The following MTHFD1L variants were observed in gnomAD, a reference collection of about 807,000 sequenced individuals.
MTHFD1L encodes methylenetetrahydrofolate dehydrogenase (NADP+ dependent) 1 like.
A neutral mutation model predicts 119.5 loss-of-function variants in MTHFD1L; 81 were observed. The observed-to-expected ratio is 0.68, with a 90% CI of 0.57 to 0.82. MTHFD1L has a LOEUF of 0.82. Among genes scored for constraint, MTHFD1L ranks in the 40% least tolerant of loss-of-function variants. The pLI is 0.00. For missense variants in MTHFD1L, 1,125 were observed against 1,253.4 expected (o/e 0.90, Z 1.55); for synonymous variants, 430 against 475.2 (o/e 0.90, Z 1.24).
Position 150,941,564 on chromosome 6 carries a change from G to A in MTHFD1L, c.1440+2819G>A, listed in dbSNP as rs191252520. Among the ~76,000 whole-genome samples the A allele has an allele frequency of 4.6e-5, 7 of 152,298 alleles. No individual in the cohort carries two copies. The East Asian group carries it at 1.4e-3, about 29-fold the overall frequency. On this transcript the variant is annotated intron_variant, in intron 13 of 27. Transcript: ENST00000367321. Reference sequence around the variant, plus strand: ...GTCAGTGACTTGGCCCAGGATGGGGGCAGTGAGGATGGAAAAGAGGAAAAA... The same window carrying A: ...GTCAGTGACTTGGCCCAGGATGGGGACAGTGAGGATGGAAAAGAGGAAAAA...
chr6:150,993,084 T>G (rs1779269170), intron 20 of MTHFD1L, among the ~76,000 whole-genome samples: 1 of 152,224 alleles, frequency 6.6e-6, no homozygotes, highest in Non-Finnish European at 1.5e-5. Flanking sequence ...TTGATTTCTC[T>G]CTCCATATTG....
In MTHFD1L at chr6:150,955,985, T is replaced by A. The variant is rs774756841; in HGVS notation, c.1727-10T>A. On this transcript the variant is annotated splice_polypyrimidine_tract_variant and intron_variant, in intron 16 of 27. Coordinates refer to ENST00000367321, the MANE Select transcript of MTHFD1L (RefSeq NM_015440.5). Reference sequence around the variant, plus strand: ...TTTGTCGACTGAATGACTAATCTGTTCTCTTTCAGTATTGGATACAAATGA... The same window carrying A: ...TTTGTCGACTGAATGACTAATCTGTACTCTTTCAGTATTGGATACAAATGA... 1.2e-6 allele frequency: 2 copies of A among 1,610,154 alleles called. No individual in the cohort carries two copies. The highest frequency in any genetic ancestry group is 1.7e-6 in the Non-Finnish European group (2 of 1,176,388).
intron 8 of MTHFD1L, among the ~76,000 whole-genome samples, chr6:150,915,893 C>G (rs908626372): frequency 7.2e-5 from 11 of 152,040 alleles, no homozygotes; most frequent in African/African-American, 2.7e-4. Flanking sequence ...CGTGAGCCAC[C>G]GCACCCGGAT....
chr6:150,949,268 T>G, intron 16 of MTHFD1L, 135 bp downstream of exon 16: 1 of 667,390 alleles, frequency 1.5e-6, no homozygotes, highest in South Asian at 1.9e-5. Flanking sequence ...ATTCCCACCA[T>G]TTATTTCAGT....
chr6:150,905,659 G>A lies in MTHFD1L; in HGVS notation c.790G>A (p.Ala264Thr), dbSNP rs544225773. Residue 264 changes from alanine (A) to threonine (T), a missense_variant, in exon 8 of 28, where the codon GCT (alanine) becomes ACT (threonine). By Grantham distance (58) the Ala-to-Thr change is moderately conservative (BLOSUM62 0). Transcript: ENST00000367321. The part of the protein sequence containing the change: ...TRQLQSKLHE[A>T]DIVVLGSPKP... ...TTCTTTCTCCTTTTAGCTTCACGAGGCTGACATTGTGGTCCTAGGCTCACC... is the reference window on the plus strand; with the variant it reads ...TTCTTTCTCCTTTTAGCTTCACGAGACTGACATTGTGGTCCTAGGCTCACC... 6.3e-5 allele frequency: 102 copies of A among 1,613,772 alleles called. 1 individual carries two copies. The South Asian group carries it at 9.9e-4, about 16-fold the overall frequency.
chr6:151,075,496 G>GA (rs138138626), intron 26 of MTHFD1L, among the ~76,000 whole-genome samples: 2 of 149,254 alleles, frequency 1.3e-5, no homozygotes, highest in Non-Finnish European at 3.0e-5. Context: ...CATAAATGAA[G>GA]AAAAAAAAAG....
At position 150,892,185 on chromosome 6, in the gene MTHFD1L, C is replaced by T. The variant is rs12213103; in HGVS notation, c.780+4204C>T. 2.2e-3 allele frequency among the ~76,000 whole-genome samples: 335 copies of T among 152,294 alleles called. 1 individual carries two copies. Among genetic ancestry groups the T allele is most frequent in the Middle Eastern group, 6.8e-3 (2 of 294 alleles). On this transcript the variant is annotated intron_variant, in intron 7 of 27. Transcript: ENST00000367321. ...AGCTCAGTGGAAGAGGAAAATAAAC[C>T]GTGCCCTGCACTGAACAGCTGTGGT...
At chr6:151,077,247 A>C (rs1792612436) in intron 26 of MTHFD1L, among the ~76,000 whole-genome samples, 1 of 152,244 alleles carries the variant, frequency 6.6e-6, no homozygotes, top group South Asian at 2.1e-4. Context: ...TCATAATAGT[A>C]AAAAGAACAG....
rs6904230 is a variant in MTHFD1L at position 151,067,424 on chromosome 6, A to T, written c.2848-25043A>T. Among the ~76,000 whole-genome samples the T allele has an allele frequency of 7.9e-5, 12 of 151,794 alleles. No individual in the cohort carries two copies. The East Asian group carries it at 1.8e-3, about 22-fold the overall frequency. Reference sequence around the variant, plus strand: ...CTGCAGCTTCGACCTCCTACGTCCAAGCAATTATCGTGCCTCAGCCTCCTG... The same window carrying T: ...CTGCAGCTTCGACCTCCTACGTCCATGCAATTATCGTGCCTCAGCCTCCTG... On this transcript the variant is annotated intron_variant, in intron 26 of 27. Transcript: ENST00000367321.
chr6:150,969,976 T>G (rs1364518977), intron 19 of MTHFD1L, among the ~76,000 whole-genome samples: 1 of 152,256 alleles, frequency 6.6e-6, no homozygotes, highest in Non-Finnish European at 1.5e-5. Context: ...GATCCTATGT[T>G]GTCACTCTGG....
Position 151,039,774 on chromosome 6 carries a change from GC to G in MTHFD1L, c.2847+2658del, listed in dbSNP as rs1462746686. On this transcript the variant is annotated intron_variant, in intron 26 of 27. Transcript: ENST00000367321. The surrounding 1 kb of genome is among the most constrained non-coding windows in gnomAD (Gnocchi z 4.4). ...TACTAAAAATACAAAAATTTGCCGG[GC>G]GGGGTGGTGGGCACCTATAATCCCA... is the stretch of plus-strand genomic sequence containing the variant. 2.6e-5 allele frequency among the ~76,000 whole-genome samples: 4 copies of G among 152,138 alleles called. No homozygotes were observed. Among genetic ancestry groups the G allele is most frequent in the Non-Finnish European group, 5.9e-5 (4 of 68,038 alleles).
chr6:150,981,459 C>T (rs891472156), intron 20 of MTHFD1L, among the ~76,000 whole-genome samples: 2 of 152,188 alleles, frequency 1.3e-5, no homozygotes. Context: ...CACCTCATTG[C>T]ACATTAGAAT....
chr6:151,017,600 T>C (rs559816), intron 24 of MTHFD1L, among the ~76,000 whole-genome samples: 37,232 of 151,892 alleles, frequency 0.25, 7,727 homozygotes, highest in African/African-American at 0.57. Flanking sequence ...CCACCTCGGC[T>C]TCCCAAAGTG....
chr6:150,915,922 A>G (rs1366457829), intron 8 of MTHFD1L, among the ~76,000 whole-genome samples: 2 of 152,140 alleles, frequency 1.3e-5, no homozygotes, highest in African/African-American at 2.4e-5. Flanking sequence ...TCATTTCTCC[A>G]TCGCTTAAAG....
chr6:150,882,967 C>T, intron 5 of MTHFD1L, 81 bp downstream of exon 5: 8 of 1,298,390 alleles, frequency 6.2e-6, no homozygotes, highest in Non-Finnish European at 8.3e-6. Flanking sequence ...TTCTAAATTT[C>T]TTCTATTTAT....
chr6:150,907,447 A>G (rs1786120881), intron 8 of MTHFD1L, among the ~76,000 whole-genome samples: 2 of 152,336 alleles, frequency 1.3e-5, no homozygotes, highest in Non-Finnish European at 2.9e-5. Context: ...AACCCATCAG[A>G]AGTTGAAAAT....
chr6:150,962,950 C>G lies in MTHFD1L; in HGVS notation c.1945-2019C>G, dbSNP rs541226107. Among the ~76,000 whole-genome samples, 265 of 121,934 alleles carry G rather than the reference C, an allele frequency of 2.2e-3. 1 individual carries two copies. The highest frequency in any genetic ancestry group is 8.0e-3 in the African/African-American group (249 of 31,020). The allele number at this position is 121,934 out of a possible 152,430, so 80.0% of individuals were successfully genotyped here. Reference sequence around the variant, plus strand: ...TTTTTTTTTGAGATGGAGTCTTGCTCTATTGCCCAGGCTGGAATGCAATGG... The same window carrying G: ...TTTTTTTTTGAGATGGAGTCTTGCTGTATTGCCCAGGCTGGAATGCAATGG... On this transcript the variant is annotated intron_variant, in intron 18 of 27. Transcript: ENST00000367321.
intron 20 of MTHFD1L, among the ~76,000 whole-genome samples, chr6:150,981,872 G>A (rs74796945): frequency 1.3e-5 from 2 of 152,076 alleles, no homozygotes; most frequent in Non-Finnish European, 2.9e-5. Context: ...GATTGCTTGA[G>A]CCCAGGGGTT....
At chr6:150,903,458 C>T (rs1785406967) in intron 7 of MTHFD1L, among the ~76,000 whole-genome samples, 1 of 151,988 alleles carries the variant, frequency 6.6e-6, no homozygotes, top group South Asian at 2.1e-4. Flanking sequence ...GCCCTGTTGC[C>T]CAGGCTGGAG....
Sources: gnomAD v4.1 joint callset for allele counts (sites outside exome capture counted in the v4.1 genomes callset) on GRCh38, gnomAD v4.1.1 for gene constraint, Gnocchi (gnomAD v3.1) non-coding constraint, MANE v1.5 for transcripts, NCBI Gene and HGNC (gene_info 2026-07-23, HGNC 2026-07-21) for gene names.